Variants in HS3ST4 observed in about 807,000 individuals in gnomAD.
HS3ST4 encodes the protein heparan sulfate glucosamine 3-O-sulfotransferase 4.
HS3ST4 carries 17 observed loss-of-function variants against 29.2 expected under a neutral mutation model. The ratio of observed to expected loss-of-function variants is 0.58; its 90% CI spans 0.40 to 0.87. The LOEUF (loss-of-function observed/expected upper bound fraction) is 0.87, where lower values mean the gene tolerates loss of function less well. Among genes scored for constraint, HS3ST4 ranks in the 40% least tolerant of loss-of-function variants. The pLI is 0.00. For missense variants in HS3ST4, 627 were observed against 634.5 expected (o/e 0.99, Z 0.13); for synonymous variants, 314 against 285.7 (o/e 1.10, Z -1.00).
chr16:25,960,529 C>A (rs1968784772), intron 1 of HS3ST4, among the ~76,000 whole-genome samples: 1 of 152,090 alleles, frequency 6.6e-6, no homozygotes, highest in South Asian at 2.1e-4. Flanking sequence ...TCTGGTGAGT[C>A]CAGAAGATGA....
intron 1 of HS3ST4, among the ~76,000 whole-genome samples, chr16:25,765,463 A>C (rs893076277): frequency 1.1e-4 from 16 of 152,154 alleles, no homozygotes; most frequent in African/African-American, 3.6e-4. Context: ...GGGTACATGG[A>C]CCTGGATTCT....
At chr16:25,852,509 A>G (rs559765524) in intron 1 of HS3ST4, among the ~76,000 whole-genome samples, 1 of 151,034 alleles carries the variant, frequency 6.6e-6, no homozygotes, top group East Asian at 2.0e-4. Context: ...AGCTATTTAT[A>G]TTTCTTTATT....
At chr16:25,945,285 C>A (rs1271005569) in intron 1 of HS3ST4, among the ~76,000 whole-genome samples, 1 of 152,090 alleles carries the variant, frequency 6.6e-6, no homozygotes, top group African/African-American at 2.4e-5. Context: ...TGATAAATTG[C>A]TTTTTCCCCC....
intron 1 of HS3ST4, among the ~76,000 whole-genome samples, chr16:25,827,902 G>A (rs1483554697): frequency 1.3e-5 from 2 of 152,166 alleles, no homozygotes; most frequent in Non-Finnish European, 2.9e-5. Flanking sequence ...CTAGCAATCA[G>A]CAGAGCTCGT....
At chr16:25,694,250 C>G (rs1966277067) in intron 1 of HS3ST4, among the ~76,000 whole-genome samples, 1 of 152,184 alleles carries the variant, frequency 6.6e-6, no homozygotes, top group Non-Finnish European at 1.5e-5. Flanking sequence ...GACAGGTTGC[C>G]TGCCCGTTGA....
At chr16:26,115,929 G>A (rs1229544616) in intron 1 of HS3ST4, among the ~76,000 whole-genome samples, 1 of 152,180 alleles carries the variant, frequency 6.6e-6, no homozygotes, top group Non-Finnish European at 1.5e-5. Context: ...TTATTTTATG[G>A]TTACCTTCTA....
At chr16:26,088,805 T>C (rs1237195938) in intron 1 of HS3ST4, among the ~76,000 whole-genome samples, 1 of 152,202 alleles carries the variant, frequency 6.6e-6, no homozygotes, top group African/African-American at 2.4e-5. Context: ...GATCATGAGG[T>C]CCTCCTGTGT....
At chr16:26,027,035 G>A (rs1969483011) in intron 1 of HS3ST4, among the ~76,000 whole-genome samples, 2 of 152,170 alleles carry the variant, frequency 1.3e-5, no homozygotes, top group Admixed American at 1.3e-4. Flanking sequence ...TTTCTTCAGA[G>A]TACCCCTGCT....
intron 1 of HS3ST4, among the ~76,000 whole-genome samples, chr16:26,024,267 G>A (rs559288467): frequency 1.3e-5 from 2 of 150,676 alleles, no homozygotes; most frequent in East Asian, 3.9e-4. Context: ...AAAGCACTTA[G>A]CTCAGTGCAT....
rs1404429317 is a variant in HS3ST4, at chr16:25,692,472, G to A, written c.55G>A (p.Ala19Thr). 5 of 1,363,086 alleles carry A rather than the reference G, an allele frequency of 3.7e-6. No homozygotes were observed. Among genetic ancestry groups the A allele is most frequent in the East Asian group, 3.4e-5 (1 of 29,210 alleles). 84.4% of individuals were successfully genotyped at this position (1,363,086 alleles called of 1,614,324 possible). The change falls in exon 1 of 2, where the codon GCG becomes ACG. Residue 19 changes from alanine to threonine, a missense_variant. This residue lies in a region of HS3ST4 where 402 missense variants were observed against 340.8 expected (regional missense o/e 1.18). Coordinates refer to ENST00000331351, the MANE Select transcript of HS3ST4 (RefSeq NM_006040.3). ...TCCGCCTCCGCCTCCACCTCTGGCC[G>A]CGCCGCCGCCGCCCGGCGCCTCTGC... ...PPPPPPPPLA[A>T]PPPPGASAKG...
At chr16:26,063,689 C>T (rs1898508232) in intron 1 of HS3ST4, among the ~76,000 whole-genome samples, 1 of 151,996 alleles carries the variant, frequency 6.6e-6, no homozygotes, top group Non-Finnish European at 1.5e-5. Flanking sequence ...GAGGAAGACC[C>T]TGTCTCTTAA....
At chr16:25,750,091 T>A (rs75471551) in intron 1 of HS3ST4, among the ~76,000 whole-genome samples, 1,987 of 152,296 alleles carry the variant, frequency 0.013, 44 homozygotes, top group African/African-American at 0.045. Context: ...AAATCCCAAA[T>A]GGTTGCTACT....
chr16:26,117,588 G>C (rs1305822026), intron 1 of HS3ST4, among the ~76,000 whole-genome samples: 1 of 152,180 alleles, frequency 6.6e-6, no homozygotes, highest in African/African-American at 2.4e-5. Context: ...GCTCCAGCCA[G>C]GGCTAAGAGT....
At chr16:25,750,265 G>C (rs1248671902) in intron 1 of HS3ST4, among the ~76,000 whole-genome samples, 1 of 152,136 alleles carries the variant, frequency 6.6e-6, no homozygotes, top group Non-Finnish European at 1.5e-5. Context: ...CAACTTCTTA[G>C]AGCAGCTCAG....
At chr16:26,014,673 C>G (rs1440631081) in intron 1 of HS3ST4, among the ~76,000 whole-genome samples, 1 of 152,162 alleles carries the variant, frequency 6.6e-6, no homozygotes, top group African/African-American at 2.4e-5. Flanking sequence ...AGAACACGAT[C>G]TTGATCTTTT....
At chr16:25,828,335 TC>T in intron 1 of HS3ST4, among the ~76,000 whole-genome samples, 1 of 138,548 alleles carries the variant, frequency 7.2e-6, no homozygotes, top group East Asian at 2.0e-4. Flanking sequence ...TCTCTCTCTC[TC>T]TCTTTCTCCC....
intron 1 of HS3ST4, among the ~76,000 whole-genome samples, chr16:25,948,333 G>C (rs1968649847): frequency 6.6e-6 from 1 of 151,980 alleles, no homozygotes. Context: ...ACAAAAACTA[G>C]TTATATGCAA....
At chr16:25,703,053 G>A (rs1966346375) in intron 1 of HS3ST4, among the ~76,000 whole-genome samples, 1 of 152,160 alleles carries the variant, frequency 6.6e-6, no homozygotes, top group African/African-American at 2.4e-5. Flanking sequence ...CTGCTACTCA[G>A]GAGGCTGAGG....
At chr16:25,699,827 G>A (rs1966322897) in intron 1 of HS3ST4, among the ~76,000 whole-genome samples, 1 of 152,288 alleles carries the variant, frequency 6.6e-6, no homozygotes, top group African/African-American at 2.4e-5. Context: ...TCTGCAGAAT[G>A]AGCTCAATAT....
Sources: gnomAD v4.1 joint callset for allele counts (sites outside exome capture counted in the v4.1 genomes callset) on GRCh38, gnomAD v4.1.1 for gene constraint, gnomAD v4.1.1 regional missense constraint, MANE v1.5 for transcripts, NCBI Gene and HGNC (gene_info 2026-07-23, HGNC 2026-07-21) for gene names.